Variants in EEA1 observed in about 807,000 individuals in gnomAD.
EEA1 encodes early endosome antigen 1, 162kD.
In EEA1, 111 loss-of-function variants were observed where a neutral mutation model predicts 209.2. That is an observed-to-expected ratio of 0.53 (90% CI 0.45 to 0.62). The LOEUF (loss-of-function observed/expected upper bound fraction) is 0.62. Ranked by LOEUF, EEA1 falls within the 20% of genes least tolerant of loss-of-function variation. The probability of loss-of-function intolerance (pLI) is 0.00; values close to 1 mark genes in which losing one functional copy is unlikely to be tolerated. For missense variants in EEA1, 1,343 were observed against 1,530.8 expected (o/e 0.88, Z 2.05); for synonymous variants, 536 against 540.6 (o/e 0.99, Z 0.12).
intron 2 of EEA1, among the ~76,000 whole-genome samples, chr12:92,869,483 C>G (rs190650545): frequency 6.6e-6 from 1 of 151,920 alleles, no homozygotes; most frequent in African/African-American, 2.4e-5. Flanking sequence ...GTTGTTCACG[C>G]CCATAATCCC....
intron 1 of EEA1, among the ~76,000 whole-genome samples, chr12:92,898,234 T>G (rs1018440686): frequency 1.3e-5 from 2 of 152,344 alleles, no homozygotes; most frequent in Non-Finnish European, 2.9e-5. Context: ...ATATTCTGGA[T>G]AGAGTATTAA....
At chr12:92,897,911 T>TA (rs1284226867) in intron 1 of EEA1, among the ~76,000 whole-genome samples, 3 of 152,254 alleles carry the variant, frequency 2.0e-5, no homozygotes, top group Admixed American at 1.3e-4. Flanking sequence ...CTATTAGACA[T>TA]AATGCTATTG....
chr12:92,888,533 C>T (rs1172957811), intron 2 of EEA1, among the ~76,000 whole-genome samples: 4 of 150,916 alleles, frequency 2.7e-5, no homozygotes, highest in Non-Finnish European at 4.4e-5. Context: ...GCCGAGATCG[C>T]GCCACTGCAC....
intron 10 of EEA1, among the ~76,000 whole-genome samples, chr12:92,837,840 AT>A (rs1876997604): frequency 6.6e-6 from 1 of 152,226 alleles, no homozygotes; most frequent in South Asian, 2.1e-4. Context: ...TGCCCAGGAC[AT>A]TTCATGTAAT....
chr12:92,927,393 ACAAT>A (rs1302242267), intron 1 of EEA1, among the ~76,000 whole-genome samples: 8 of 152,212 alleles, frequency 5.3e-5, no homozygotes, highest in African/African-American at 1.7e-4. Flanking sequence ...TGCAATAACC[ACAAT>A]CAATTTCACT....
intron 1 of EEA1, among the ~76,000 whole-genome samples, chr12:92,910,732 C>A (rs954264171): frequency 2.0e-5 from 3 of 152,032 alleles, no homozygotes; most frequent in African/African-American, 7.2e-5. Context: ...AAAAGACAAA[C>A]CTGATAATGG....
At chr12:92,777,019 CAG>C in intron 27 of EEA1, 77 bp from the exon 28 acceptor site, 1 of 1,474,090 alleles carries the variant, frequency 6.8e-7, no homozygotes, top group Non-Finnish European at 9.3e-7. Flanking sequence ...AACTTGCTGC[CAG>C]AGTTCTATAA....
intron 1 of EEA1, among the ~76,000 whole-genome samples, chr12:92,911,277 A>G (rs1006981625): frequency 4.6e-5 from 7 of 152,230 alleles, no homozygotes; most frequent in Non-Finnish European, 1.0e-4. Context: ...TAGTACACCC[A>G]GACAATATTC....
intron 21 of EEA1, among the ~76,000 whole-genome samples, chr12:92,796,720 C>A (rs1313282558): frequency 6.6e-6 from 1 of 152,176 alleles, no homozygotes; most frequent in Non-Finnish European, 1.5e-5. Flanking sequence ...ATAACTTTGT[C>A]ATGGCCTATT....
chr12:92,883,730 G>A (rs1478777089), intron 2 of EEA1: 15 of 1,107,554 alleles, frequency 1.4e-5, no homozygotes, highest in South Asian at 5.5e-5. Flanking sequence ...GCCCGCGGAC[G>A]CCACTGAAGA....
At chr12:92,916,584 C>T (rs1338935812) in intron 1 of EEA1, among the ~76,000 whole-genome samples, 1 of 133,164 alleles carries the variant, frequency 7.5e-6, no homozygotes, top group Non-Finnish European at 1.6e-5. Flanking sequence ...ACCTGGGAGG[C>T]GGAGGTTGCA....
At chr12:92,911,695 G>A (rs1163210452) in intron 1 of EEA1, among the ~76,000 whole-genome samples, 1 of 152,208 alleles carries the variant, frequency 6.6e-6, no homozygotes, top group East Asian at 1.9e-4. Context: ...CACTCTAGTG[G>A]GGAATGTTGA....
At chr12:92,853,222 C>A (rs1205067947) in intron 6 of EEA1, among the ~76,000 whole-genome samples, 197 bp from the exon 7 acceptor site, 1 of 152,132 alleles carries the variant, frequency 6.6e-6, no homozygotes, top group Non-Finnish European at 1.5e-5. Flanking sequence ...ACATACACTA[C>A]AAATGAAATG....
chr12:92,873,505 T>C (rs1238939170), intron 2 of EEA1, among the ~76,000 whole-genome samples: 9 of 152,190 alleles, frequency 5.9e-5, no homozygotes, highest in South Asian at 2.1e-4. Flanking sequence ...TGGAATTAAG[T>C]AGCAAGAAAA....
intron 21 of EEA1, among the ~76,000 whole-genome samples, chr12:92,792,253 AG>A (rs1274389837): frequency 3.3e-5 from 5 of 152,198 alleles, no homozygotes; most frequent in African/African-American, 1.2e-4. Context: ...AGCAAGCACA[AG>A]GCAAGAAATA....
At chr12:92,798,741 T>G (rs1038274992) in intron 21 of EEA1, 151 bp downstream of exon 21, 1 of 480,800 alleles carries the variant, frequency 2.1e-6, no homozygotes, top group African/African-American at 2.0e-5. Context: ...TTTGATAATA[T>G]AGTCAAATGC....
rs149923154 is a variant in EEA1, at chr12:92,779,336, T to C, written c.3469-36A>G. ...AGTAGGGCCAAAAATAAATCATCCT[T>C]CATAGTAAATATTTCAAAATTTGGC... On this transcript the variant is annotated intron_variant, in intron 24 of 28. Coordinates refer to ENST00000322349, the MANE Select transcript of EEA1 (RefSeq NM_003566.4). 1,651 of 1,539,268 alleles carry C rather than the reference T, an allele frequency of 1.1e-3. 19 individuals carry two copies. In the African/African-American group the frequency reaches 0.021, roughly 19 times the overall value.
In EEA1 at chr12:92,811,503, G is replaced by A. The variant is rs939455755; in HGVS notation, c.2044-69C>T. On this transcript the variant is annotated intron_variant, in intron 16 of 28. Transcript: ENST00000322349. The stretch of plus-strand genomic sequence containing the variant: ...ATATTGTAGTGGCCAAATGTTCAAC[G>A]TAAAATTGAAAACTCTAATTTTATT... The A allele has an allele frequency of 2.5e-5, 26 of 1,058,762 alleles. No individual in the cohort carries two copies. In the African/African-American group the frequency reaches 3.1e-4, roughly 13 times the overall value. 65.6% of individuals were successfully genotyped at this position (1,058,762 alleles called of 1,614,324 possible). A position where few individuals can be genotyped will look rare whatever the true frequency, so the allele number is the denominator to read the frequency against.
intron 2 of EEA1, among the ~76,000 whole-genome samples, chr12:92,883,130 C>T (rs1257259220): frequency 6.6e-6 from 1 of 152,148 alleles, no homozygotes. Context: ...GATGGTATCT[C>T]ATTGCGGTTT....
Sources: gnomAD v4.1 joint callset for allele counts (sites outside exome capture counted in the v4.1 genomes callset) on GRCh38, gnomAD v4.1.1 for gene constraint, MANE v1.5 for transcripts, NCBI Gene and HGNC (gene_info 2026-07-23, HGNC 2026-07-21) for gene names.